The following ADGRB3 variants were observed in gnomAD, a reference collection of about 807,000 sequenced individuals.
The protein encoded by ADGRB3 is adhesion G protein-coupled receptor B3.
A neutral mutation model predicts 193.4 loss-of-function variants in ADGRB3; 37 were observed. That is an observed-to-expected ratio of 0.19 (90% CI 0.15 to 0.25). The LOEUF (loss-of-function observed/expected upper bound fraction) is 0.25. Among genes scored for constraint, ADGRB3 ranks in the 10% least tolerant of loss-of-function variants. The pLI, the probability that ADGRB3 is intolerant of heterozygous loss-of-function variation, is 1.00. For missense variants in ADGRB3, 1,637 were observed against 1,852.9 expected (o/e 0.88, Z 2.14); for synonymous variants, 690 against 644.2 (o/e 1.07, Z -1.08).
At chr6:69,309,370 C>T (rs1022453842) in intron 20 of ADGRB3, among the ~76,000 whole-genome samples, 1 of 151,540 alleles carries the variant, frequency 6.6e-6, no homozygotes, top group African/African-American at 2.4e-5. Flanking sequence ...AGATGCAATC[C>T]TTATTTGCCG....
chr6:69,091,574 G>A (rs1772710439), intron 17 of ADGRB3, among the ~76,000 whole-genome samples: 1 of 152,164 alleles, frequency 6.6e-6, no homozygotes, highest in South Asian at 2.1e-4. Flanking sequence ...TCACTTCTAA[G>A]TGGGAGCTAA....
intron 17 of ADGRB3, among the ~76,000 whole-genome samples, chr6:69,162,663 A>T (rs147062750): frequency 6.6e-6 from 1 of 152,162 alleles, no homozygotes; most frequent in Admixed American, 6.6e-5. Context: ...GAGAATCAGC[A>T]TACAAAATGA....
At chr6:69,171,105 A>G (rs1243742657) in intron 17 of ADGRB3, among the ~76,000 whole-genome samples, 1 of 151,396 alleles carries the variant, frequency 6.6e-6, no homozygotes, top group Non-Finnish European at 1.5e-5. Context: ...ACATGTAATC[A>G]GTGTAAAATT....
At chr6:68,688,019 T>C (rs928550444) in intron 3 of ADGRB3, among the ~76,000 whole-genome samples, 1 of 152,168 alleles carries the variant, frequency 6.6e-6, no homozygotes, top group Non-Finnish European at 1.5e-5. Flanking sequence ...ATGTTATCTC[T>C]ATGTGGCCCT....
intron 1 of ADGRB3, among the ~76,000 whole-genome samples, chr6:68,636,205 G>C (rs1462687699): frequency 6.6e-6 from 1 of 152,070 alleles, no homozygotes; most frequent in Non-Finnish European, 1.5e-5. Flanking sequence ...GAGATGTGCT[G>C]GGTCAGAAGG....
chr6:68,679,400 C>T (rs964573797), intron 3 of ADGRB3, among the ~76,000 whole-genome samples: 6 of 152,006 alleles, frequency 3.9e-5, no homozygotes, highest in South Asian at 2.1e-4. Flanking sequence ...GAAAGGGGAA[C>T]GCTTGCACAG....
intron 17 of ADGRB3, among the ~76,000 whole-genome samples, chr6:69,126,008 A>G (rs1340573266): frequency 6.6e-6 from 1 of 152,204 alleles, no homozygotes; most frequent in Non-Finnish European, 1.5e-5. Flanking sequence ...AGTCAAATCC[A>G]TGACTTTTAA....
In ADGRB3 at chr6:68,904,783, TTTTCTCC is replaced by T. The variant is rs1311090864; in HGVS notation, c.758-25771_758-25765del. ...GGCATCCAGGAATCCATTGGTTTGA[TTTTCTCC>T]TTTCATATCTCTCTCATGATCTTGT... is the stretch of plus-strand genomic sequence containing the variant. On this transcript the variant is annotated intron_variant, in intron 3 of 31. Coordinates refer to ENST00000370598, the MANE Select transcript of ADGRB3 (RefSeq NM_001704.3). Among the ~76,000 whole-genome samples, 32 of 152,280 alleles carry T rather than the reference TTTTCTCC, an allele frequency of 2.1e-4. No individual in the cohort carries two copies. In the East Asian group the frequency reaches 2.5e-3, roughly 12 times the overall value.
chr6:68,912,977 A>G (rs912227776), intron 3 of ADGRB3, among the ~76,000 whole-genome samples: 1 of 152,144 alleles, frequency 6.6e-6, no homozygotes, highest in Non-Finnish European at 1.5e-5. Flanking sequence ...GCAGTCTAAG[A>G]TCAAACTGCA....
intron 3 of ADGRB3, among the ~76,000 whole-genome samples, chr6:68,865,782 T>C (rs1765279958): frequency 1.3e-5 from 2 of 152,176 alleles, no homozygotes; most frequent in Admixed American, 6.5e-5. Flanking sequence ...CTGCTGTCTC[T>C]CTGCAATTCC....
At chr6:69,372,054 A>G (rs540974403) in intron 29 of ADGRB3, among the ~76,000 whole-genome samples, 1 of 152,226 alleles carries the variant, frequency 6.6e-6, no homozygotes, top group East Asian at 1.9e-4. Context: ...GCTTTGCTGT[A>G]GTAAGCCTAA....
intron 13 of ADGRB3, 113 bp from the exon 14 acceptor site, chr6:69,048,072 A>G: frequency 8.6e-7 from 1 of 1,164,656 alleles, no homozygotes; most frequent in African/African-American, 1.6e-5. Context: ...TGATAAATAC[A>G]ATTTTGACTT....
In ADGRB3 at chr6:68,772,944, C is replaced by A. The variant is rs1418971485; in HGVS notation, c.757+133512C>A. On this transcript the variant is annotated intron_variant, in intron 3 of 31. Transcript: ENST00000370598. The stretch of plus-strand genomic sequence containing the variant: ...ATATATATATATATACATACACACA[C>A]AAAAATAAAAAATAAAAATAAAATA... Among the ~76,000 whole-genome samples, 145 of 25,114 alleles carry A rather than the reference C, an allele frequency of 5.8e-3. 6 individuals carry two copies. The highest frequency in any genetic ancestry group is 0.026 in the African/African-American group (122 of 4,738). The allele number at this position is 25,114 out of a possible 152,430, so 16.5% of individuals were successfully genotyped here. A position where few individuals can be genotyped will look rare whatever the true frequency, so the allele number is the denominator to read the frequency against.
chr6:69,354,297 G>C lies in ADGRB3; in HGVS notation c.3524G>C (p.Ser1175Thr), dbSNP rs756216410. Residue 1175 changes from serine to threonine, a missense_variant, in exon 27 of 32, where the codon AGT (serine) becomes ACT (threonine). This residue lies in a region of ADGRB3 where 116 missense variants were observed against 168.1 expected (regional missense o/e 0.69). Transcript: ENST00000370598. ...CQDPINADSS[S>T]SFPNGHAQIM... Reference sequence around the variant, plus strand: ...GATCCCATCAATGCAGATTCTTCGAGTTCGTTTCCTAATGGGCATGCTCAA... The same window carrying C: ...GATCCCATCAATGCAGATTCTTCGACTTCGTTTCCTAATGGGCATGCTCAA... 3 of 1,613,868 alleles carry C rather than the reference G, an allele frequency of 1.9e-6. No homozygotes were observed. The highest frequency in any genetic ancestry group is 1.7e-5 in the Admixed American group (1 of 60,010).
rs139307745 is a variant in ADGRB3, at chr6:68,917,695, A to G, written c.758-12864A>G. Among the ~76,000 whole-genome samples the G allele has an allele frequency of 9.7e-3, 1,480 of 152,262 alleles. 38 individuals are homozygous for G. Among genetic ancestry groups the G allele is most frequent in the African/African-American group, 0.034 (1,406 of 41,554 alleles). ...TATTTCCAAAATAAAAATTAAACTA[A>G]TCTCTTTTTTTGAAACAATCTTCAC... On this transcript the variant is annotated intron_variant, in intron 3 of 31. Coordinates refer to ENST00000370598, the MANE Select transcript of ADGRB3 (RefSeq NM_001704.3).
chr6:69,149,954 G>A (rs1163743830), intron 17 of ADGRB3, among the ~76,000 whole-genome samples: 1 of 151,056 alleles, frequency 6.6e-6, no homozygotes, highest in African/African-American at 2.4e-5. Context: ...GTGTGTGTGT[G>A]TGTGTGTGTG....
intron 11 of ADGRB3, among the ~76,000 whole-genome samples, chr6:68,999,296 G>A (rs1191223127): frequency 7.1e-6 from 1 of 140,338 alleles, no homozygotes; most frequent in African/African-American, 2.7e-5. Flanking sequence ...ATGGAGTCTC[G>A]CACTGTCGCC....
intron 3 of ADGRB3, among the ~76,000 whole-genome samples, chr6:68,832,355 T>C (rs918869335): frequency 6.6e-6 from 1 of 151,976 alleles, no homozygotes. Context: ...AAGACACTTA[T>C]CATTTTTTTC....
intron 20 of ADGRB3, among the ~76,000 whole-genome samples, chr6:69,248,218 T>C (rs974543011): frequency 2.0e-5 from 3 of 152,204 alleles, no homozygotes; most frequent in Non-Finnish European, 4.4e-5. Flanking sequence ...GTTTGGCTAA[T>C]GTCAATAGAA....
Sources: allele counts gnomAD v4.1 joint callset (sites outside exome capture counted in the v4.1 genomes callset), GRCh38; gene constraint gnomAD v4.1.1; regional missense constraint gnomAD v4.1.1; transcripts MANE v1.5; gene names NCBI Gene and HGNC (gene_info 2026-07-23, HGNC 2026-07-21).